The following LEPR variants were observed in gnomAD, a reference collection of about 807,000 sequenced individuals.
LEPR encodes the protein OB receptor.
LEPR carries 56 observed loss-of-function variants against 114.7 expected under a neutral mutation model. The ratio of observed to expected loss-of-function variants is 0.49; its 90% CI spans 0.39 to 0.61. The LOEUF (loss-of-function observed/expected upper bound fraction) is 0.61. LEPR is among the 20% of genes least tolerant of loss of function. The pLI is 0.00. For synonymous variants in LEPR, 443 were observed against 461.4 expected (o/e 0.96, Z 0.51); for missense variants, 1,202 against 1,352.9 (o/e 0.89, Z 1.75).
chr1:65,448,596 A>G (rs781247946), intron 2 of LEPR, among the ~76,000 whole-genome samples: 1 of 152,198 alleles, frequency 6.6e-6, no homozygotes, highest in African/African-American at 2.4e-5. Flanking sequence ...GAGAGTTGGT[A>G]TAATTTCTTC....
chr1:65,421,326 A>G (rs1298258152), intron 1 of LEPR: 24 of 1,531,766 alleles, frequency 1.6e-5, no homozygotes, highest in Non-Finnish European at 2.0e-5. Context: ...GTTTATGGAC[A>G]GAGAAGAAAC....
At chr1:65,497,657 C>T (rs1009134896) in intron 2 of LEPR, among the ~76,000 whole-genome samples, 18 of 152,114 alleles carry the variant, frequency 1.2e-4, no homozygotes, top group African/African-American at 4.3e-4. Context: ...AGCCTCAGGA[C>T]ATATAAACAG....
chr1:65,461,304 A>G (rs919528943), intron 2 of LEPR, among the ~76,000 whole-genome samples: 1 of 152,108 alleles, frequency 6.6e-6, no homozygotes, highest in Non-Finnish European at 1.5e-5. Context: ...ACCATTCTTC[A>G]GTAAAATAAA....
chr1:65,570,428 C>A, intron 3 of LEPR, 45 bp from the exon 4 acceptor site: 1 of 1,578,478 alleles, frequency 6.3e-7, no homozygotes, highest in South Asian at 1.1e-5. Context: ...ATGTCTTAGT[C>A]AAAATGATTA....
chr1:65,593,355 CA>C (rs1315897527), intron 6 of LEPR, among the ~76,000 whole-genome samples: 2 of 151,962 alleles, frequency 1.3e-5, no homozygotes, highest in East Asian at 3.9e-4. Flanking sequence ...ATTTACTGTA[CA>C]AACATGATTA....
At position 65,633,330 on chromosome 1, in the gene LEPR, C is replaced by A. The variant is rs17415296; in HGVS notation, c.2674-2861C>A. The A allele has an allele frequency of 0.16, 222,961 of 1,379,294 alleles. 19,003 individuals are homozygous for A. The highest frequency in any genetic ancestry group is 0.24 in the Middle Eastern group (1,213 of 5,054). 85.4% of individuals were successfully genotyped at this position (1,379,294 alleles called of 1,614,324 possible). On this transcript the variant is annotated intron_variant, in intron 19 of 19. Transcript: ENST00000349533. The surrounding 1 kb of genome is among the most constrained non-coding windows in gnomAD (Gnocchi z 4.1). ...TATGGTGGATTATGTTGATTTAGAA[C>A]TTAAAATAGATGTGTAAATTTGGGT...
intron 7 of LEPR, 120 bp from the exon 8 acceptor site, chr1:65,598,540 C>T: frequency 7.1e-7 from 1 of 1,409,160 alleles, no homozygotes; most frequent in South Asian, 1.3e-5. Flanking sequence ...CCGCTGTGGC[C>T]AGATAACTAC....
chr1:65,569,232 T>C (rs2100799089), intron 3 of LEPR, among the ~76,000 whole-genome samples: 1 of 152,302 alleles, frequency 6.6e-6, no homozygotes, highest in Non-Finnish European at 1.5e-5. Context: ...TACTTCTATT[T>C]CCTTACATTA....
At chr1:65,479,949 C>A (rs1045896339) in intron 2 of LEPR, among the ~76,000 whole-genome samples, 2 of 149,578 alleles carry the variant, frequency 1.3e-5, no homozygotes, top group Non-Finnish European at 3.0e-5. Context: ...AACAAAAAAA[C>A]AACTCTGTCA....
chr1:65,596,464 A>G lies in LEPR; in HGVS notation c.720A>G (p.Pro240=), dbSNP rs776586690. Residue 240 remains proline, a synonymous_variant, in exon 7 of 20, where the codon CCA becomes CCG. Transcript: ENST00000349533. ...TTCCTTAAGTGAAGCCTGATCCACC[A>G]TTAGGTTTGCATATGGAAATCACAG... The part of the protein sequence containing the change: ...QPINMVKPDP[P]LGLHMEITDD... 3 of 1,612,766 alleles carry G rather than the reference A, an allele frequency of 1.9e-6. No individual in the cohort carries two copies. Among genetic ancestry groups the G allele is most frequent in the Middle Eastern group, 1.7e-4 (1 of 6,044 alleles).
chr1:65,455,978 C>T (rs1646867498), intron 2 of LEPR, among the ~76,000 whole-genome samples: 1 of 152,170 alleles, frequency 6.6e-6, no homozygotes, highest in Non-Finnish European at 1.5e-5. Context: ...AGGGTATAAT[C>T]TCCTGGTGCG....
At chr1:65,499,899 C>T (rs1270125042) in intron 2 of LEPR, among the ~76,000 whole-genome samples, 1 of 152,054 alleles carries the variant, frequency 6.6e-6, no homozygotes, top group African/African-American at 2.4e-5. Flanking sequence ...TTAAGGACAT[C>T]CATGTTCTGA....
At chr1:65,513,065 G>T (rs1407400501) in intron 2 of LEPR, among the ~76,000 whole-genome samples, 1 of 152,160 alleles carries the variant, frequency 6.6e-6, no homozygotes, top group Non-Finnish European at 1.5e-5. Flanking sequence ...GCTCCTGTTT[G>T]AAAAGCTTCA....
chr1:65,503,308 T>TA (rs779773457), intron 2 of LEPR, among the ~76,000 whole-genome samples: 31 of 152,044 alleles, frequency 2.0e-4, no homozygotes, highest in African/African-American at 6.0e-4. Flanking sequence ...ATGAAAATTG[T>TA]AAAAAAAATT....
chr1:65,605,055 C>G lies in LEPR; in HGVS notation c.1421C>G (p.Ser474Cys). The G allele has an allele frequency of 6.2e-7, 1 of 1,613,322 alleles. No individual in the cohort carries two copies. The highest frequency in any genetic ancestry group is 8.5e-7 in the Non-Finnish European group (1 of 1,179,998). Residue 474 changes from serine to cysteine, a missense_variant, in exon 11 of 20, where the codon TCT becomes TGT. Ser to Cys is a moderately radical substitution (Grantham distance 112). Transcript: ENST00000349533. ...LRYHRSSLYC[S>C]DIPSIHPISE... ...TTTTAAAGGAGCAGCCTTTACTGTT[C>G]TGATATTCCATCTATTCATCCCATA...
chr1:65,469,527 G>A (rs1177638977), intron 2 of LEPR, among the ~76,000 whole-genome samples: 1 of 152,188 alleles, frequency 6.6e-6, no homozygotes, highest in East Asian at 1.9e-4. Context: ...GGGTTCTCTT[G>A]AAGGAGTACA....
chr1:65,633,672 C>T lies in LEPR; in HGVS notation c.2674-2519C>T. 3 of 985,748 alleles carry T rather than the reference C, an allele frequency of 3.0e-6. No homozygotes were observed. Among genetic ancestry groups the T allele is most frequent in the Non-Finnish European group, 3.6e-6 (3 of 830,226 alleles). The allele number at this position is 985,748 out of a possible 1,614,324, so 61.1% of individuals were successfully genotyped here. The stretch of plus-strand genomic sequence containing the variant: ...GTCCAAACTTTTCCATTTTAGATTC[C>T]TTTATAGACACGTCAGCCTAAAAAT... On this transcript the variant is annotated intron_variant, in intron 19 of 19. Transcript: ENST00000349533. The surrounding 1 kb of genome is among the most constrained non-coding windows in gnomAD (Gnocchi z 4.1).
At chr1:65,475,740 G>C (rs550509111) in intron 2 of LEPR, among the ~76,000 whole-genome samples, 1 of 152,120 alleles carries the variant, frequency 6.6e-6, no homozygotes, top group African/African-American at 2.4e-5. Flanking sequence ...AATAGGCCAG[G>C]CATGGTGGCT....
intron 2 of LEPR, among the ~76,000 whole-genome samples, chr1:65,479,282 TAGC>T (rs201270088): frequency 0.013 from 1,948 of 152,122 alleles, 30 homozygotes; most frequent in African/African-American, 0.044. Flanking sequence ...TTTTTTACAA[TAGC>T]AGCAGCAGCA....
Sources: allele counts gnomAD v4.1 joint callset (sites outside exome capture counted in the v4.1 genomes callset), GRCh38; gene constraint gnomAD v4.1.1; non-coding constraint Gnocchi (gnomAD v3.1); transcripts MANE v1.5; gene names NCBI Gene and HGNC (gene_info 2026-07-23, HGNC 2026-07-21).